Variants in VOPP1 observed in about 807,000 individuals in gnomAD.
VOPP1 encodes WW domain binding protein VOPP1.
Under a neutral mutation model 23.5 loss-of-function variants are expected in VOPP1, and 8 were observed. The observed-to-expected ratio is 0.34, with a 90% CI of 0.20 to 0.61. The LOEUF is 0.61. Among genes scored for constraint, VOPP1 ranks in the 20% least tolerant of loss-of-function variants. The probability of loss-of-function intolerance (pLI) is 0.78; values close to 1 mark genes in which losing one functional copy is unlikely to be tolerated. For synonymous variants in VOPP1, 83 were observed against 97.3 expected (o/e 0.85, Z 0.86); for missense variants, 174 against 238.1 (o/e 0.73, Z 1.77).
At chr7:55,481,075 TG>T (rs1361053839) in intron 4 of VOPP1, among the ~76,000 whole-genome samples, 10 of 152,050 alleles carry the variant, frequency 6.6e-5, no homozygotes, top group African/African-American at 2.4e-4. Context: ...CTCAAGGAAA[TG>T]GAACTGTTGG....
intron 1 of VOPP1, among the ~76,000 whole-genome samples, chr7:55,532,098 T>C (rs1379167701): frequency 6.6e-6 from 1 of 152,238 alleles, no homozygotes; most frequent in African/African-American, 2.4e-5. Context: ...TCTGATGACA[T>C]ATATTTCTGT....
At chr7:55,439,069 G>C (rs925858894) in intron 4 of VOPP1, among the ~76,000 whole-genome samples, 6 of 152,178 alleles carry the variant, frequency 3.9e-5, no homozygotes, top group African/African-American at 1.2e-4. Context: ...TGGTTTATTA[G>C]AGGCGGGCGA....
chr7:55,508,032 T>TA (rs1794843930), intron 2 of VOPP1, among the ~76,000 whole-genome samples: 1 of 152,206 alleles, frequency 6.6e-6, no homozygotes, highest in Non-Finnish European at 1.5e-5. Context: ...ATACAGGATT[T>TA]ACCTAGGGAA....
At chr7:55,519,498 G>A (rs533706797) in intron 2 of VOPP1, among the ~76,000 whole-genome samples, 3 of 151,604 alleles carry the variant, frequency 2.0e-5, no homozygotes, top group Non-Finnish European at 2.9e-5. Flanking sequence ...CCACATTTGC[G>A]CAAAAAGCTA....
At chr7:55,552,241 C>A (rs779578868) in intron 1 of VOPP1, among the ~76,000 whole-genome samples, 1 of 152,064 alleles carries the variant, frequency 6.6e-6, no homozygotes, top group African/African-American at 2.4e-5. Context: ...AATATAAGCA[C>A]CTTTTGGATT....
chr7:55,554,946 T>A (rs1336716618), intron 1 of VOPP1, among the ~76,000 whole-genome samples: 2 of 151,980 alleles, frequency 1.3e-5, no homozygotes, highest in Non-Finnish European at 2.9e-5. Context: ...GAGATGAGGG[T>A]CTGGGAATGG....
At chr7:55,476,417 C>T (rs897982797) in intron 4 of VOPP1, among the ~76,000 whole-genome samples, 1 of 129,270 alleles carries the variant, frequency 7.7e-6, no homozygotes, top group African/African-American at 2.7e-5. Flanking sequence ...AGCTGACTGG[C>T]CAGTGGCGTG....
At chr7:55,522,160 G>A (rs899856404) in intron 1 of VOPP1, among the ~76,000 whole-genome samples, 3 of 152,204 alleles carry the variant, frequency 2.0e-5, no homozygotes, top group Non-Finnish European at 4.4e-5. Flanking sequence ...CGCAGCCCCA[G>A]CAGGTGTACA....
At chr7:55,514,385 C>T (rs1795271342) in intron 2 of VOPP1, among the ~76,000 whole-genome samples, 1 of 152,158 alleles carries the variant, frequency 6.6e-6, no homozygotes, top group African/African-American at 2.4e-5. Context: ...GGACATTTGC[C>T]CAAGATCACA....
At chr7:55,449,695 C>T (rs868223140) in intron 4 of VOPP1, among the ~76,000 whole-genome samples, 3 of 152,336 alleles carry the variant, frequency 2.0e-5, no homozygotes, top group Middle Eastern at 3.4e-3. Context: ...CAGAGGCGTT[C>T]TGGCCACCGA....
At chr7:55,564,268 G>A (rs11489748) in intron 1 of VOPP1, among the ~76,000 whole-genome samples, 12,458 of 55,102 alleles carry the variant, frequency 0.23, 796 homozygotes, top group East Asian at 0.52. Context: ...TCTCTCTCTC[G>A]CTCGCTTGCT....
chr7:55,465,655 T>C (rs1791613639), downstream of VOPP1, among the ~76,000 whole-genome samples: 1 of 152,274 alleles, frequency 6.6e-6, no homozygotes, highest in African/African-American at 2.4e-5. Flanking sequence ...ATCCACTATG[T>C]GCAAGCTTCG....
At chr7:55,552,757 G>T (rs73698789) in intron 1 of VOPP1, 7 of 1,531,910 alleles carry the variant, frequency 4.6e-6, no homozygotes, top group African/African-American at 1.4e-5. Context: ...CGGAGTTCAC[G>T]CAGAGAGGCA....
intron 1 of VOPP1, among the ~76,000 whole-genome samples, chr7:55,529,781 C>G (rs1243412230): frequency 6.6e-6 from 1 of 152,186 alleles, no homozygotes; most frequent in Non-Finnish European, 1.5e-5. Flanking sequence ...GATCTGCTTT[C>G]TATCTTTATC....
chr7:55,543,352 G>C (rs1370874536), intron 1 of VOPP1, among the ~76,000 whole-genome samples: 1 of 152,158 alleles, frequency 6.6e-6, no homozygotes, highest in African/African-American at 2.4e-5. Context: ...AACAAACATG[G>C]GAGTACAAAT....
At chr7:55,502,563 C>T in intron 2 of VOPP1, among the ~76,000 whole-genome samples, 1 of 152,226 alleles carries the variant, frequency 6.6e-6, no homozygotes, top group East Asian at 1.9e-4. Flanking sequence ...ACTGTTACCC[C>T]TTTTCTGTCT....
At chr7:55,561,818 G>A (rs998734355) in intron 1 of VOPP1, 1 of 630,574 alleles carries the variant, frequency 1.6e-6, no homozygotes, top group Non-Finnish European at 2.9e-6. Context: ...GCTTGCCTAG[G>A]GAGTAGCTTG....
At chr7:55,528,764 T>C (rs1796329085) in intron 1 of VOPP1, among the ~76,000 whole-genome samples, 1 of 151,332 alleles carries the variant, frequency 6.6e-6, no homozygotes, top group African/African-American at 2.4e-5. Context: ...AGGAATGAAA[T>C]AAAAATAATA....
chr7:55,453,682 A>T (rs1207588489), intron 4 of VOPP1, among the ~76,000 whole-genome samples: 1 of 152,216 alleles, frequency 6.6e-6, no homozygotes, highest in Non-Finnish European at 1.5e-5. Flanking sequence ...TCACCATAAC[A>T]GTTATTTATT....
Sources: allele counts gnomAD v4.1 joint callset (sites outside exome capture counted in the v4.1 genomes callset), GRCh38; gene constraint gnomAD v4.1.1; transcripts MANE v1.5; gene names NCBI Gene and HGNC (gene_info 2026-07-23, HGNC 2026-07-21).